Variants in AMZ1 observed in about 807,000 individuals in gnomAD.
AMZ1 encodes the protein archaelysin family metallopeptidase 1.
A neutral mutation model predicts 29.9 loss-of-function variants in AMZ1; 39 were observed. The observed-to-expected ratio is 1.30, with a 90% CI of 1.01 to 1.70. The LOEUF (loss-of-function observed/expected upper bound fraction) is 1.70. AMZ1 is among the 40% of genes most tolerant of loss of function. AMZ1 has a pLI of 0.00. For synonymous variants in AMZ1, 458 were observed against 304.0 expected (o/e 1.51, Z -5.27); for missense variants, 1,041 against 680.6 (o/e 1.53, Z -5.89).
intron 4 of AMZ1, 30 bp from the exon 5 acceptor site, chr7:2,709,045 G>A: frequency 6.5e-7 from 1 of 1,539,192 alleles, no homozygotes; most frequent in Non-Finnish European, 8.7e-7. Context: ...GCTGACCCCT[G>A]AGAGTGCCCT....
At chr7:2,706,438 A>C (rs1052924897) in intron 3 of AMZ1, among the ~76,000 whole-genome samples, 10 of 152,212 alleles carry the variant, frequency 6.6e-5, no homozygotes, top group East Asian at 1.9e-4. Flanking sequence ...AAAGTACCAC[A>C]AACTGAGTGG....
At chr7:2,711,111 C>A (rs566845615) in intron 6 of AMZ1, among the ~76,000 whole-genome samples, 1 of 152,212 alleles carries the variant, frequency 6.6e-6, no homozygotes, top group Admixed American at 6.5e-5. Flanking sequence ...AGCTCCTCCT[C>A]CTGCCCAGAG....
At chr7:2,686,272 C>T (rs951072544), upstream of AMZ1, among the ~76,000 whole-genome samples, 17 of 152,132 alleles carry the variant, frequency 1.1e-4, no homozygotes, top group Non-Finnish European at 8.8e-5. Context: ...GTGGCTCATA[C>T]CTGTGATCTC....
At chr7:2,703,356 G>C (rs1788171942) in intron 3 of AMZ1, among the ~76,000 whole-genome samples, 1 of 152,146 alleles carries the variant, frequency 6.6e-6, no homozygotes, top group African/African-American at 2.4e-5. Flanking sequence ...GGCCAGGCTG[G>C]TCTTGAACTC....
chr7:2,690,928 G>T (rs1787348807), intron 1 of AMZ1, among the ~76,000 whole-genome samples: 1 of 151,628 alleles, frequency 6.6e-6, no homozygotes, highest in Non-Finnish European at 1.5e-5. Context: ...ACCACTTGAG[G>T]CCAGGAGTTC....
upstream of AMZ1, among the ~76,000 whole-genome samples, chr7:2,685,952 C>T (rs565664732): frequency 2.0e-5 from 3 of 152,156 alleles, no homozygotes; most frequent in East Asian, 1.9e-4. Flanking sequence ...TGCGGCAACA[C>T]GTGTGAAGAA....
upstream of AMZ1, among the ~76,000 whole-genome samples, chr7:2,687,224 G>A (rs1787115487): frequency 1.3e-5 from 2 of 152,030 alleles, no homozygotes; most frequent in Admixed American, 6.5e-5. Flanking sequence ...CTACTCAGGC[G>A]GCTGAGGCAG....
intron 1 of AMZ1, among the ~76,000 whole-genome samples, chr7:2,697,069 G>A (rs1022395050): frequency 4.6e-5 from 7 of 152,066 alleles, no homozygotes; most frequent in South Asian, 2.1e-4. Context: ...TGTTCATTAC[G>A]GCGTTTTTGG....
chr7:2,740,814 G>A (rs1790461108), intron 4 of AMZ1, among the ~76,000 whole-genome samples: 1 of 152,220 alleles, frequency 6.6e-6, no homozygotes, highest in South Asian at 2.1e-4. Flanking sequence ...GGAGGCCGAG[G>A]CGGACGGATC....
upstream of AMZ1, among the ~76,000 whole-genome samples, chr7:2,683,226 T>C (rs1448445503): frequency 6.6e-6 from 1 of 152,196 alleles, no homozygotes; most frequent in Non-Finnish European, 1.5e-5. Context: ...ACAGCACACA[T>C]TCACTGTCAA....
chr7:2,737,327 C>G (rs899975742), intron 4 of AMZ1, among the ~76,000 whole-genome samples: 2 of 119,408 alleles, frequency 1.7e-5, no homozygotes, highest in African/African-American at 6.6e-5. Flanking sequence ...CTCGCCCTGT[C>G]GCCCCGGCTG....
At chr7:2,690,906 C>T (rs370977472) in intron 1 of AMZ1, among the ~76,000 whole-genome samples, 5 of 151,862 alleles carry the variant, frequency 3.3e-5, no homozygotes, top group East Asian at 3.9e-4. Flanking sequence ...TTTGGGAGGC[C>T]GAGGCAGGCA....
Position 2,709,084 on chromosome 7 carries a change from T to G in AMZ1, c.611T>G (p.Val204Gly), listed in dbSNP as rs1788567642. Residue 204 changes from valine to glycine, a missense_variant, in exon 5 of 7, where the codon GTC becomes GGC. Physicochemically the swap from Val to Gly is moderately radical, Grantham distance 109 (BLOSUM62 -3). Coordinates refer to ENST00000683327, the MANE Select transcript of AMZ1 (RefSeq NM_001384743.1). ...SKFLPGHEVG[V>G]CSFARFSGEF... The stretch of plus-strand genomic sequence containing the variant: ...CTCCATCTCTCTCCAGAAGTGGGCG[T>G]CTGCAGCTTCGCCCGGTTCTCAGGG... 1 of 1,592,038 alleles carries G rather than the reference T, an allele frequency of 6.3e-7. No homozygotes were observed. The highest frequency in any genetic ancestry group is 1.1e-5 in the South Asian group (1 of 88,366).
At chr7:2,733,554 G>A (rs1790008598) in intron 4 of AMZ1, 2 of 1,412,016 alleles carry the variant, frequency 1.4e-6, no homozygotes, top group Admixed American at 1.7e-5. Flanking sequence ...GAATCCTGAT[G>A]TGGCAAATAC....
rs1788582593 is a variant in AMZ1 at position 2,709,205 on chromosome 7, C to T, written c.732C>T (p.Ala244=). The change falls in exon 5 of 7, where the codon GCC becomes GCT. Residue 244 remains alanine (A), a synonymous_variant. Transcript: ENST00000683327. ...PEAPLQDRGW[A]LCFSALGMVQ... ...CCCCCCTGCAGGACAGGGGCTGGGC[C>T]CTGTGCTTCAGTGCCCTGGGGATGG... The T allele has an allele frequency of 6.6e-7, 1 of 1,515,976 alleles. No homozygotes were observed. Among genetic ancestry groups the T allele is most frequent in the East Asian group, 2.3e-5 (1 of 42,818 alleles). 93.9% of individuals were successfully genotyped at this position (1,515,976 alleles called of 1,614,324 possible). A position where few individuals can be genotyped will look rare whatever the true frequency, so the allele number is the denominator to read the frequency against.
intron 4 of AMZ1, among the ~76,000 whole-genome samples, chr7:2,737,274 G>GTTTTT (rs1041056812): frequency 0.023 from 818 of 34,952 alleles, 67 homozygotes; most frequent in East Asian, 0.096. Flanking sequence ...GTTTTGTTTT[G>GTTTTT]TTTTTTTTTT....
chr7:2,762,895 T>A (rs772546196), upstream of AMZ1: 125 of 1,425,388 alleles, frequency 8.8e-5, no homozygotes, highest in Non-Finnish European at 1.1e-4. Flanking sequence ...CCATTGGTGC[T>A]GCGGCGGGGA....
At chr7:2,680,759 G>A (rs1473816701) in intron 1 of AMZ1, among the ~76,000 whole-genome samples, 1 of 152,254 alleles carries the variant, frequency 6.6e-6, no homozygotes, top group Non-Finnish European at 1.5e-5. Flanking sequence ...GGCCTGCCCA[G>A]CGCAGCCCAT....
At chr7:2,709,507 A>C in intron 5 of AMZ1, 133 bp from the exon 6 acceptor site, 2 of 1,337,878 alleles carry the variant, frequency 1.5e-6, no homozygotes, top group South Asian at 1.5e-5. Flanking sequence ...GGGCAGGGGG[A>C]GGGCGCCTGG....
Sources: allele counts gnomAD v4.1 joint callset (sites outside exome capture counted in the v4.1 genomes callset), GRCh38; gene constraint gnomAD v4.1.1; transcripts MANE v1.5; gene names NCBI Gene and HGNC (gene_info 2026-07-23, HGNC 2026-07-21).